RSRC1: variants seen among roughly 807,000 people sequenced by gnomAD.
RSRC1 encodes the protein serine/Arginine-related protein 53.
In RSRC1, 39 loss-of-function variants were observed where a neutral mutation model predicts 49.1. The observed-to-expected ratio is 0.79, with a 90% CI of 0.61 to 1.04. The LOEUF (loss-of-function observed/expected upper bound fraction) is 1.04. Among genes scored for constraint, RSRC1 ranks in the 50% least tolerant of loss-of-function variants. The pLI is 0.00. For missense variants in RSRC1, 388 were observed against 402.4 expected, an observed-to-expected ratio of 0.96 and a Z score of 0.31; for synonymous variants, 143 against 130.8, an observed-to-expected ratio of 1.09 and a Z score of -0.63.
intron 7 of RSRC1, among the ~76,000 whole-genome samples, chr3:158,518,146 ATATTT>A (rs1211939853): frequency 8.6e-5 from 6 of 69,710 alleles, no homozygotes; most frequent in African/African-American, 6.2e-4. Flanking sequence ...ATATATATAT[ATATTT>A]TTTTTTTTTT....
intron 4 of RSRC1, among the ~76,000 whole-genome samples, chr3:158,270,597 T>C (rs1725460831): frequency 6.6e-6 from 1 of 152,246 alleles, no homozygotes; most frequent in African/African-American, 2.4e-5. Flanking sequence ...ACTAAGGGTT[T>C]AAAATTTGGA....
intron 6 of RSRC1, among the ~76,000 whole-genome samples, chr3:158,367,750 C>T (rs771955497): frequency 3.3e-5 from 5 of 151,788 alleles, no homozygotes; most frequent in Non-Finnish European, 7.4e-5. Context: ...TTGACTTGGA[C>T]ATTAGTTAAA....
At chr3:158,424,985 T>C (rs1433545013) in intron 6 of RSRC1, among the ~76,000 whole-genome samples, 1 of 151,500 alleles carries the variant, frequency 6.6e-6, no homozygotes, top group African/African-American at 2.4e-5. Context: ...TCTTTATTAG[T>C]CTTGCTAGCG....
intron 5 of RSRC1, among the ~76,000 whole-genome samples, chr3:158,318,380 A>G (rs1054861835): frequency 6.6e-6 from 1 of 152,158 alleles, no homozygotes; most frequent in Non-Finnish European, 1.5e-5. Flanking sequence ...CTACCAAAAT[A>G]TCTTTTTATT....
chr3:158,126,278 A>C (rs1335488460), intron 3 of RSRC1, among the ~76,000 whole-genome samples: 1 of 151,902 alleles, frequency 6.6e-6, no homozygotes, highest in Non-Finnish European at 1.5e-5. Context: ...TCTGCCTTAT[A>C]GCTATTTTGT....
At chr3:158,215,437 T>C (rs1382160113) in intron 4 of RSRC1, among the ~76,000 whole-genome samples, 1 of 151,502 alleles carries the variant, frequency 6.6e-6, no homozygotes, top group Non-Finnish European at 1.5e-5. Context: ...TAAAAATCCA[T>C]TCTGAGAGTT....
intron 7 of RSRC1, among the ~76,000 whole-genome samples, chr3:158,494,257 C>G (rs1171342067): frequency 1.3e-5 from 2 of 152,114 alleles, no homozygotes; most frequent in African/African-American, 4.8e-5. Flanking sequence ...ACTCTGTAGG[C>G]ATTCATAATG....
rs77773795 is a variant in RSRC1 at position 158,313,858 on chromosome 3, C to T, written c.531+15783C>T. On this transcript the variant is annotated intron_variant, in intron 5 of 9. Transcript: ENST00000611884. The stretch of plus-strand genomic sequence containing the variant: ...AAGCCAAAATGCAAATGAATATTCA[C>T]TCCTATCCTTCTTTAAAAACTAATT... 9.6e-3 allele frequency among the ~76,000 whole-genome samples: 1,458 copies of T among 152,310 alleles called. 19 individuals are homozygous for T. Among genetic ancestry groups the T allele is most frequent in the African/African-American group, 0.034 (1,401 of 41,564 alleles).
intron 4 of RSRC1, among the ~76,000 whole-genome samples, chr3:158,285,868 A>G (rs1726514909): frequency 6.6e-6 from 1 of 152,108 alleles, no homozygotes; most frequent in South Asian, 2.1e-4. Flanking sequence ...TCTTTTCCTA[A>G]TTGAATACTC....
chr3:158,327,744 A>G (rs1174383697), intron 5 of RSRC1, among the ~76,000 whole-genome samples: 8 of 152,166 alleles, frequency 5.3e-5, no homozygotes, highest in Non-Finnish European at 1.0e-4. Context: ...GATGTCTATT[A>G]GGTCTGCTTG....
intron 9 of RSRC1, 148 bp from the exon 10 acceptor site, chr3:158,544,035 G>A: frequency 1.8e-6 from 1 of 548,858 alleles, no homozygotes; most frequent in African/African-American, 1.9e-5. Context: ...CAAATAGATA[G>A]TCATCAATTA....
At chr3:158,213,311 C>T (rs1240995584) in intron 4 of RSRC1, among the ~76,000 whole-genome samples, 1 of 151,666 alleles carries the variant, frequency 6.6e-6, no homozygotes, top group Non-Finnish European at 1.5e-5. Flanking sequence ...TAATGCATTC[C>T]ATTTGTGTAA....
rs1456191440 is a variant in RSRC1 at position 158,537,096 on chromosome 3, A to G, written c.657A>G (p.Gln219=). The change falls in exon 8 of 10, where the codon CAA becomes CAG. Residue 219 remains glutamine, a synonymous_variant. Coordinates refer to ENST00000611884, the MANE Select transcript of RSRC1 (RefSeq NM_001271838.2). The part of the protein sequence containing the change: ...EEAKRRKEED[Q]ATLVEQVKRV... The stretch of plus-strand genomic sequence containing the variant: ...ACATTATACCCTCTTTTTCAGACCA[A>G]GCCACCCTGGTAGAACAAGTAAAAA... The G allele has an allele frequency of 6.2e-6, 10 of 1,607,772 alleles. 1 individual carries two copies. Among genetic ancestry groups the G allele is most frequent in the South Asian group, 2.2e-5 (2 of 90,798 alleles).
At chr3:158,493,028 A>G (rs1739151622) in intron 7 of RSRC1, among the ~76,000 whole-genome samples, 1 of 152,176 alleles carries the variant, frequency 6.6e-6, no homozygotes, top group African/African-American at 2.4e-5. Context: ...GTGCTCTATA[A>G]CGACAGGCAA....
intron 7 of RSRC1, among the ~76,000 whole-genome samples, chr3:158,478,049 ACCC>A (rs1388535777): frequency 7.3e-5 from 11 of 151,050 alleles, no homozygotes; most frequent in Non-Finnish European, 5.9e-5. Context: ...ACAGAGTGAA[ACCC>A]CCATCTCTAA....
intron 4 of RSRC1, among the ~76,000 whole-genome samples, chr3:158,241,464 A>G (rs970654430): frequency 2.3e-4 from 35 of 151,550 alleles, no homozygotes; most frequent in Admixed American, 2.2e-3. Flanking sequence ...TCAAAAATAT[A>G]TATATATATT....
chr3:158,242,597 T>A (rs958813910), intron 4 of RSRC1, among the ~76,000 whole-genome samples: 6 of 152,188 alleles, frequency 3.9e-5, no homozygotes, highest in African/African-American at 1.4e-4. Flanking sequence ...AATGTATTTC[T>A]GGTTCTAGGT....
At chr3:158,413,291 G>A (rs201995583) in intron 6 of RSRC1, among the ~76,000 whole-genome samples, 1 of 152,160 alleles carries the variant, frequency 6.6e-6, no homozygotes, top group African/African-American at 2.4e-5. Flanking sequence ...GCCATGTGCA[G>A]AAAATTGAAA....
intron 6 of RSRC1, among the ~76,000 whole-genome samples, chr3:158,456,351 C>T (rs1361952590): frequency 1.4e-5 from 2 of 148,136 alleles, no homozygotes; most frequent in Admixed American, 6.8e-5. Flanking sequence ...AAACAGTATA[C>T]ACATCACTTA....
Sources: gnomAD v4.1 joint callset for allele counts (sites outside exome capture counted in the v4.1 genomes callset) on GRCh38, gnomAD v4.1.1 for gene constraint, MANE v1.5 for transcripts, NCBI Gene and HGNC (gene_info 2026-07-23, HGNC 2026-07-21) for gene names.